Variants in PPP2R2B observed in about 807,000 individuals in gnomAD.
PPP2R2B encodes the protein protein phosphatase 2 regulatory subunit Bbeta, also known as serine/threonine-protein phosphatase 2A 55 kDa regulatory subunit B beta isoform.
Under a neutral mutation model 46.0 loss-of-function variants are expected in PPP2R2B, and 5 were observed. That is an observed-to-expected ratio of 0.11 (90% CI 0.06 to 0.23). The LOEUF is 0.23. PPP2R2B is among the 10% of genes least tolerant of loss of function. PPP2R2B has a pLI of 1.00. For synonymous variants in PPP2R2B, 215 were observed against 206.7 expected (o/e 1.04, Z -0.34); for missense variants, 367 against 575.0 (o/e 0.64, Z 3.70).
chr5:146,747,929 T>G (rs908049940), intron 2 of PPP2R2B, among the ~76,000 whole-genome samples: 1 of 152,230 alleles, frequency 6.6e-6, no homozygotes, highest in South Asian at 2.1e-4. Context: ...ACTGAGGTAC[T>G]TGGGGAACCT....
intron 2 of PPP2R2B, among the ~76,000 whole-genome samples, chr5:146,736,061 C>T (rs943662967): frequency 7.9e-5 from 12 of 152,096 alleles, no homozygotes; most frequent in African/African-American, 2.4e-4. Context: ...ATCATGGGAG[C>T]AGTTTCCCCC....
At chr5:146,644,771 A>G (rs1775465696) in intron 6 of PPP2R2B, among the ~76,000 whole-genome samples, 1 of 152,230 alleles carries the variant, frequency 6.6e-6, no homozygotes, top group African/African-American at 2.4e-5. Context: ...AAACAAGATA[A>G]TGGAAAAGAT....
At chr5:146,878,923 C>T (rs373603528), upstream of PPP2R2B, 6 of 1,141,894 alleles carry the variant, frequency 5.3e-6, no homozygotes, top group African/African-American at 5.0e-5. This position sits in a 1 kb window ranked among gnomAD's most constrained non-coding sequence, Gnocchi z 4.5. Flanking sequence ...GGGCAGCAAG[C>T]GACTAGCTTG....
chr5:146,756,571 T>A (rs1226468309), intron 2 of PPP2R2B, among the ~76,000 whole-genome samples: 1 of 152,192 alleles, frequency 6.6e-6, no homozygotes, highest in Non-Finnish European at 1.5e-5. Flanking sequence ...ATGCCTGGGT[T>A]TGAATCCTAG....
intron 1 of PPP2R2B, among the ~76,000 whole-genome samples, chr5:146,928,077 G>T (rs781705642): frequency 1.3e-5 from 2 of 152,038 alleles, no homozygotes; most frequent in African/African-American, 4.8e-5. Flanking sequence ...ATAATTCATC[G>T]CACTATCTGC....
rs2007342 is a variant in PPP2R2B, at chr5:146,644,972, G to A, written c.625+5575C>T. ...CTGTCTAAGCCAATGGAGGATAAGAGAGCCAAGTAGGACGCTTTTCTGCAG... is the reference window on the plus strand; with the variant it reads ...CTGTCTAAGCCAATGGAGGATAAGAAAGCCAAGTAGGACGCTTTTCTGCAG... On this transcript the variant is annotated intron_variant, in intron 6 of 9. Transcript: ENST00000394411. Among the ~76,000 whole-genome samples, 5 of 152,258 alleles carry A rather than the reference G, an allele frequency of 3.3e-5. No homozygotes were observed. In the East Asian group the frequency reaches 9.7e-4, roughly 29 times the overall value.
At chr5:146,705,214 C>T (rs1308656001) in intron 2 of PPP2R2B, among the ~76,000 whole-genome samples, 1 of 152,178 alleles carries the variant, frequency 6.6e-6, no homozygotes, top group Non-Finnish European at 1.5e-5. Context: ...ATCATAAAGT[C>T]ATTTACCCTA....
intron 1 of PPP2R2B, among the ~76,000 whole-genome samples, chr5:147,028,239 C>A (rs940623034): frequency 1.3e-5 from 2 of 152,122 alleles, no homozygotes; most frequent in African/African-American, 2.4e-5. Context: ...ATTCAGTAAC[C>A]TCTTCTCCCT....
At chr5:146,822,745 T>C (rs1379751168) in intron 2 of PPP2R2B, among the ~76,000 whole-genome samples, 1 of 152,168 alleles carries the variant, frequency 6.6e-6, no homozygotes, top group Non-Finnish European at 1.5e-5. Context: ...CTCACTTCTT[T>C]ATGACCAACA....
In PPP2R2B at chr5:146,936,619, A is replaced by G. The variant is rs145892149; in HGVS notation, c.79+119046T>C. 8.9e-3 allele frequency among the ~76,000 whole-genome samples: 1,347 copies of G among 152,138 alleles called. 23 individuals are homozygous for G. The highest frequency in any genetic ancestry group is 0.031 in the African/African-American group (1,290 of 41,526). ...TCAAACAAACAGAACCTCTCTGTAC[A>G]GAGAGATAGTAAGAGGACATGCACA... On this transcript the variant is annotated intron_variant, in intron 1 of 8. Transcript: ENST00000336640.
chr5:147,035,111 T>C (rs1456753821), intron 1 of PPP2R2B: 2 of 456,030 alleles, frequency 4.4e-6, no homozygotes, highest in Non-Finnish European at 4.4e-6. Context: ...CACACAGCTA[T>C]TGTATAAATA....
chr5:146,712,861 A>T lies in PPP2R2B; in HGVS notation c.71-11719T>A, dbSNP rs543595098. Reference sequence around the variant, plus strand: ...AACAACGTCTCAAGATTTAGGGTTAATTAATTCATTCATTGACCCATTTAT... The same window carrying T: ...AACAACGTCTCAAGATTTAGGGTTATTTAATTCATTCATTGACCCATTTAT... On this transcript the variant is annotated intron_variant, in intron 2 of 9. Coordinates refer to ENST00000394411, the MANE Select transcript of PPP2R2B (RefSeq NM_181675.4). Among the ~76,000 whole-genome samples the T allele has an allele frequency of 5.3e-5, 8 of 152,302 alleles. No individual in the cohort carries two copies. In the South Asian group the frequency reaches 1.7e-3, roughly 32 times the overall value.
chr5:146,854,429 T>C (rs902207009), intron 2 of PPP2R2B, among the ~76,000 whole-genome samples: 1 of 152,178 alleles, frequency 6.6e-6, no homozygotes, highest in Non-Finnish European at 1.5e-5. Context: ...TTGGGGACAT[T>C]TCAAATTCTC....
chr5:147,024,855 T>G (rs1304674224), intron 1 of PPP2R2B, among the ~76,000 whole-genome samples: 1 of 152,120 alleles, frequency 6.6e-6, no homozygotes, highest in African/African-American at 2.4e-5. Flanking sequence ...ATGCTTATGT[T>G]AGAAAATATA....
At chr5:146,690,106 C>G (rs1446102147) in intron 5 of PPP2R2B, among the ~76,000 whole-genome samples, 1 of 152,236 alleles carries the variant, frequency 6.6e-6, no homozygotes, top group Non-Finnish European at 1.5e-5. Flanking sequence ...ACATCTACTT[C>G]ACTGTCTCCC....
intron 7 of PPP2R2B, among the ~76,000 whole-genome samples, chr5:146,618,166 G>T (rs1361704436): frequency 1.3e-5 from 2 of 152,192 alleles, no homozygotes; most frequent in African/African-American, 4.8e-5. Context: ...ATCTGAGTGG[G>T]CTCAGTGTAA....
intron 7 of PPP2R2B, among the ~76,000 whole-genome samples, chr5:146,625,234 T>G (rs2151062814): frequency 6.6e-6 from 1 of 152,372 alleles, no homozygotes. Flanking sequence ...TATTGCCATT[T>G]TCCCACTTGT....
chr5:146,802,355 G>C (rs561135307), intron 2 of PPP2R2B, among the ~76,000 whole-genome samples: 16 of 152,150 alleles, frequency 1.1e-4, no homozygotes, highest in Non-Finnish European at 2.1e-4. Context: ...CAACAGGGGG[G>C]TGGCAAATGA....
chr5:146,695,266 T>C (rs1779110403), intron 4 of PPP2R2B, among the ~76,000 whole-genome samples: 1 of 152,202 alleles, frequency 6.6e-6, no homozygotes, highest in African/African-American at 2.4e-5. Context: ...GGGAACACTT[T>C]TATTATTTTT....
Sources: allele counts gnomAD v4.1 joint callset (sites outside exome capture counted in the v4.1 genomes callset), GRCh38; gene constraint gnomAD v4.1.1; non-coding constraint Gnocchi (gnomAD v3.1); transcripts MANE v1.5; gene names NCBI Gene and HGNC (gene_info 2026-07-23, HGNC 2026-07-21).